Variants in ODR4 observed in about 807,000 individuals in gnomAD.
ODR4 encodes protein odr-4 homolog.
Under a neutral mutation model 60.2 loss-of-function variants are expected in ODR4, and 47 were observed. The ratio of observed to expected loss-of-function variants is 0.78; its 90% CI spans 0.62 to 1.00. The LOEUF (loss-of-function observed/expected upper bound fraction) is 1.00, where lower values mean the gene tolerates loss of function less well. Ranked by LOEUF, ODR4 falls within the 50% of genes least tolerant of loss-of-function variation. ODR4 has a pLI of 0.00. For missense variants in ODR4, 488 were observed against 530.8 expected (o/e 0.92, Z 0.79); for synonymous variants, 178 against 175.5 (o/e 1.01, Z -0.11).
chr1:186,426,328 G>C (rs1661878954), downstream of ODR4, among the ~76,000 whole-genome samples: 1 of 152,202 alleles, frequency 6.6e-6, no homozygotes, highest in South Asian at 2.1e-4. Flanking sequence ...GAACTTAGCT[G>C]ACTCAGTTGG....
At chr1:186,422,907 G>A (rs764723056), downstream of ODR4, among the ~76,000 whole-genome samples, 5 of 152,104 alleles carry the variant, frequency 3.3e-5, no homozygotes, top group African/African-American at 4.8e-5. Context: ...ACAGTAAAAC[G>A]CATAATTGAA....
At chr1:186,405,394 A>T (rs1030173847) in intron 11 of ODR4, among the ~76,000 whole-genome samples, 3 of 152,206 alleles carry the variant, frequency 2.0e-5, no homozygotes, top group African/African-American at 7.2e-5. Flanking sequence ...AAAACCAACT[A>T]TAAAATGTAC....
chr1:186,391,557 A>G, intron 7 of ODR4, 139 bp from the exon 8 acceptor site: 1 of 626,720 alleles, frequency 1.6e-6, no homozygotes, highest in Non-Finnish European at 2.8e-6. Context: ...TTAATTTGTG[A>G]AACTAGATTT....
intron 1 of ODR4, among the ~76,000 whole-genome samples, chr1:186,377,993 CGAG>C (rs1659856502): frequency 1.3e-5 from 2 of 151,596 alleles, no homozygotes; most frequent in African/African-American, 4.8e-5. Flanking sequence ...TGCATTGAGC[CGAG>C]ATCGCGCCAC....
intron 1 of ODR4, among the ~76,000 whole-genome samples, chr1:186,379,119 A>G (rs1383582812): frequency 6.6e-6 from 1 of 152,228 alleles, no homozygotes; most frequent in African/African-American, 2.4e-5. Context: ...ATCAAAGATA[A>G]TACAACTAGG....
chr1:186,389,380 A>T (rs572859524), intron 5 of ODR4, among the ~76,000 whole-genome samples: 1 of 152,170 alleles, frequency 6.6e-6, no homozygotes, highest in Admixed American at 6.5e-5. Flanking sequence ...CGCAAGTACT[A>T]TAGTGATAGC....
chr1:186,428,098 C>G, the ODR4 span, among the ~76,000 whole-genome samples: 4 of 152,198 alleles, frequency 2.6e-5, no homozygotes, highest in South Asian at 8.3e-4. Flanking sequence ...GCATTGGCCC[C>G]TAAAACAAGA....
intron 7 of ODR4, among the ~76,000 whole-genome samples, chr1:186,391,115 CTGAT>C (rs1660452490): frequency 6.6e-6 from 1 of 152,010 alleles, no homozygotes; most frequent in African/African-American, 2.4e-5. Context: ...TTATTATGTG[CTGAT>C]TAAGTATTAT....
chr1:186,387,634 C>G (rs1023262261), intron 4 of ODR4, among the ~76,000 whole-genome samples: 15 of 152,108 alleles, frequency 9.9e-5, no homozygotes, highest in African/African-American at 3.6e-4. Context: ...TTGTTAAGGA[C>G]TTTATTCATC....
intron 1 of ODR4, among the ~76,000 whole-genome samples, chr1:186,379,163 G>A (rs1659917975): frequency 6.6e-6 from 1 of 151,630 alleles, no homozygotes; most frequent in Non-Finnish European, 1.5e-5. Flanking sequence ...TGGTGTGTTG[G>A]CTGGGCATGG....
chr1:186,394,873 T>C (rs1323351254), intron 9 of ODR4, among the ~76,000 whole-genome samples: 1 of 152,242 alleles, frequency 6.6e-6, no homozygotes, highest in Non-Finnish European at 1.5e-5. Flanking sequence ...TAGTCTCTGA[T>C]TTTCTACTTT....
At chr1:186,381,004 T>C (rs533044664) in intron 2 of ODR4, among the ~76,000 whole-genome samples, 3 of 152,366 alleles carry the variant, frequency 2.0e-5, no homozygotes, top group African/African-American at 4.8e-5. Flanking sequence ...AGGGCAGATC[T>C]ACATGGTTCA....
chr1:186,398,158 T>C (rs190663797), intron 9 of ODR4, among the ~76,000 whole-genome samples, 155 bp from the exon 10 acceptor site: 50 of 152,344 alleles, frequency 3.3e-4, no homozygotes, highest in South Asian at 4.1e-4. Context: ...AAAACAAATA[T>C]GAAGGCCTTT....
rs920077466 is a variant in ODR4, at chr1:186,384,841, G to A, written c.235-1147G>A. Among the ~76,000 whole-genome samples, 9 of 152,014 alleles carry A rather than the reference G, an allele frequency of 5.9e-5. No homozygotes were observed. In the East Asian group the frequency reaches 9.7e-4, roughly 16 times the overall value. ...ATTTATTAAATCAGAGGAAAACACC[G>A]AAAGACATAGTGCAAGTAGATTAAG... On this transcript the variant is annotated intron_variant, in intron 3 of 13. Transcript: ENST00000287859.
chr1:186,404,897 G>A lies in ODR4; in HGVS notation c.1001-1186G>A, dbSNP rs533895529. 5.5e-4 allele frequency among the ~76,000 whole-genome samples: 83 copies of A among 152,188 alleles called. No homozygotes were observed. The South Asian group carries it at 0.017, about 31-fold the overall frequency. On this transcript the variant is annotated intron_variant, in intron 11 of 13. Transcript: ENST00000287859. ...TTTAATCATATCTGTTGCTGAAAGA[G>A]GTCATTCTTTTCACAAAATTTCTAT...
the ODR4 span, among the ~76,000 whole-genome samples, chr1:186,428,575 A>C: frequency 6.6e-6 from 1 of 152,176 alleles, no homozygotes; most frequent in Non-Finnish European, 1.5e-5. Context: ...TTCTTTCAAG[A>C]ACTTTTCCTT....
chr1:186,386,485 TA>T (rs921466150), intron 4 of ODR4, among the ~76,000 whole-genome samples: 2 of 152,100 alleles, frequency 1.3e-5, no homozygotes. Flanking sequence ...TGCAAACAAA[TA>T]ATTCATTGTA....
chr1:186,410,970 G>A (rs1036949334), intron 12 of ODR4, among the ~76,000 whole-genome samples: 2 of 151,694 alleles, frequency 1.3e-5, no homozygotes, highest in African/African-American at 2.4e-5. Flanking sequence ...AGCCAAGATC[G>A]TGCCATTGCA....
the ODR4 span, among the ~76,000 whole-genome samples, chr1:186,428,654 T>C: frequency 2.6e-5 from 4 of 152,266 alleles, no homozygotes; most frequent in East Asian, 7.7e-4. Context: ...TCGACATGCC[T>C]TCCTCATTTA....
Sources: allele counts gnomAD v4.1 joint callset (sites outside exome capture counted in the v4.1 genomes callset), GRCh38; gene constraint gnomAD v4.1.1; transcripts MANE v1.5; gene names NCBI Gene and HGNC (gene_info 2026-07-23, HGNC 2026-07-21).